Variants in PTPRM observed in about 807,000 individuals in gnomAD.
The protein encoded by PTPRM is receptor-type tyrosine-protein phosphatase mu.
A neutral mutation model predicts 186.7 loss-of-function variants in PTPRM; 47 were observed. That is an observed-to-expected ratio of 0.25 (90% CI 0.20 to 0.32). The LOEUF is 0.32. Ranked by LOEUF, PTPRM falls within the 10% of genes least tolerant of loss-of-function variation. The pLI is 1.00. For synonymous variants in PTPRM, 668 were observed against 674.9 expected, an observed-to-expected ratio of 0.99 and a Z score of 0.16; for missense variants, 1,494 against 1,865.0, an observed-to-expected ratio of 0.80 and a Z score of 3.66.
At chr18:8,270,541 A>T (rs558326729) in intron 19 of PTPRM, 26 of 152,128 alleles carry the variant, frequency 1.7e-4, no homozygotes, top group Non-Finnish European at 3.8e-4. Flanking sequence ...CATCTTAAAG[A>T]GACATCTGGA....
At chr18:8,352,674 G>GT (rs1411387485) in intron 23 of PTPRM, among the ~76,000 whole-genome samples, 5 of 78,700 alleles carry the variant, frequency 6.4e-5, no homozygotes, top group South Asian at 7.6e-4. Flanking sequence ...TTGTTTGTTT[G>GT]TTTGTTTTGT....
intron 2 of PTPRM, among the ~76,000 whole-genome samples, chr18:7,830,272 G>A (rs1203815141): frequency 6.6e-6 from 1 of 152,090 alleles, no homozygotes; most frequent in Non-Finnish European, 1.5e-5. Flanking sequence ...GCCAATCAGA[G>A]CCTCAGTTTC....
At chr18:8,196,244 C>T (rs952303343) in intron 14 of PTPRM, among the ~76,000 whole-genome samples, 2 of 152,148 alleles carry the variant, frequency 1.3e-5, no homozygotes, top group African/African-American at 4.8e-5. Context: ...TCAGAAGTTC[C>T]AAGGTAAGCC....
At chr18:7,578,154 A>T (rs987291013) in intron 1 of PTPRM, among the ~76,000 whole-genome samples, 2 of 151,616 alleles carry the variant, frequency 1.3e-5, no homozygotes, top group African/African-American at 4.9e-5. Flanking sequence ...GATGATTATG[A>T]TGATGATGAT....
Position 8,069,735 on chromosome 18 carries a change from G to T in PTPRM, c.1182G>T (p.Arg394=), listed in dbSNP as rs1173896546. 6.2e-7 allele frequency: 1 copy of T among 1,613,946 alleles called. No individual in the cohort carries two copies. Among genetic ancestry groups the T allele is most frequent in the Non-Finnish European group, 8.5e-7 (1 of 1,179,812 alleles). Reference sequence around the variant, plus strand: ...TAGAAGTAGTGGAGGTCAAATCTCGGCAAATCACTATCCGCTGGGAGCCAT... The same window carrying T: ...TAGAAGTAGTGGAGGTCAAATCTCGTCAAATCACTATCCGCTGGGAGCCAT... The part of the protein sequence containing the change: ...RKLEVVEVKS[R]QITIRWEPFG... The change falls in exon 8 of 33, where the codon CGG becomes CGT. Residue 394 remains arginine, a synonymous_variant. Transcript: ENST00000580170.
chr18:7,874,115 T>TAA (rs752112185), intron 2 of PTPRM, among the ~76,000 whole-genome samples: 5 of 121,698 alleles, frequency 4.1e-5, no homozygotes, highest in African/African-American at 1.7e-4. Context: ...AGGAAAAGTT[T>TAA]TAAAAAAAAA....
intron 7 of PTPRM, among the ~76,000 whole-genome samples, chr18:7,994,882 A>G (rs2083453145): frequency 6.6e-6 from 1 of 152,110 alleles, no homozygotes; most frequent in Non-Finnish European, 1.5e-5. Context: ...AAAGATTTCA[A>G]ATAATCTAAT....
chr18:8,135,554 C>T (rs1271959528), intron 13 of PTPRM, among the ~76,000 whole-genome samples: 2 of 152,160 alleles, frequency 1.3e-5, no homozygotes, highest in African/African-American at 4.8e-5. Context: ...TTCACCCAGC[C>T]TGAGTTTTAA....
At chr18:7,763,463 A>G (rs2041874766) in intron 1 of PTPRM, among the ~76,000 whole-genome samples, 1 of 152,180 alleles carries the variant, frequency 6.6e-6, no homozygotes, top group African/African-American at 2.4e-5. Flanking sequence ...TACCTTTGAT[A>G]TGAAGACTGC....
At chr18:7,880,678 TC>T (rs2048461976) in intron 2 of PTPRM, among the ~76,000 whole-genome samples, 1 of 152,216 alleles carries the variant, frequency 6.6e-6, no homozygotes, top group African/African-American at 2.4e-5. Flanking sequence ...TGAGCTTTGC[TC>T]CCGTAGTTCA....
intron 7 of PTPRM, among the ~76,000 whole-genome samples, chr18:8,057,379 T>A (rs1450560396): frequency 6.6e-6 from 1 of 151,252 alleles, no homozygotes; most frequent in Non-Finnish European, 1.5e-5. Flanking sequence ...TTATTCTGTT[T>A]AAAATGAAAA....
intron 2 of PTPRM, among the ~76,000 whole-genome samples, chr18:7,806,737 C>T (rs1016814698): frequency 6.6e-6 from 1 of 151,992 alleles, no homozygotes; most frequent in South Asian, 2.1e-4. Context: ...ATTTAGATGA[C>T]CTTATTTTAG....
At chr18:7,951,530 A>G (rs2052952970) in intron 6 of PTPRM, among the ~76,000 whole-genome samples, 1 of 152,102 alleles carries the variant, frequency 6.6e-6, no homozygotes, top group African/African-American at 2.4e-5. Context: ...GAATGAATAG[A>G]TTCGTATTCA....
chr18:8,401,637 T>G (rs369064431), intron 32 of PTPRM, among the ~76,000 whole-genome samples: 1 of 152,308 alleles, frequency 6.6e-6, no homozygotes, highest in South Asian at 2.1e-4. Flanking sequence ...ATGTGGTGTT[T>G]GAAGTGCCCA....
chr18:7,965,420 TGC>T (rs1331222214), intron 7 of PTPRM, among the ~76,000 whole-genome samples: 1 of 152,098 alleles, frequency 6.6e-6, no homozygotes, highest in Non-Finnish European at 1.5e-5. Context: ...AAGGCTGAGG[TGC>T]GCTGGGAGAC....
intron 4 of PTPRM, among the ~76,000 whole-genome samples, chr18:7,922,608 T>C (rs2050929777): frequency 6.6e-6 from 1 of 152,186 alleles, no homozygotes; most frequent in Admixed American, 6.5e-5. Flanking sequence ...AAATTTTTCA[T>C]GTCTCTGGCT....
intron 30 of PTPRM, among the ~76,000 whole-genome samples, chr18:8,385,256 G>A (rs1257963738): frequency 1.3e-5 from 2 of 152,174 alleles, no homozygotes; most frequent in East Asian, 3.8e-4. Context: ...TCATGGATAG[G>A]CCTAGGAGAA....
chr18:7,727,258 T>C (rs2040568235), intron 1 of PTPRM, among the ~76,000 whole-genome samples: 1 of 152,226 alleles, frequency 6.6e-6, no homozygotes, highest in African/African-American at 2.4e-5. Flanking sequence ...TTTTGTGATC[T>C]AAGGATCACC....
In PTPRM at chr18:7,661,140, C is replaced by A. The variant is rs1027423808; in HGVS notation, c.73+93249C>A. On this transcript the variant is annotated intron_variant, in intron 1 of 32. Transcript: ENST00000580170. ...ATGATGAAGAGGCAAAGCAAAAGAT[C>A]TGTTCAATTTACAGATTTTTTTAAA... Among the ~76,000 whole-genome samples, 7 of 152,108 alleles carry A rather than the reference C, an allele frequency of 4.6e-5. No homozygotes were observed. In the South Asian group the frequency reaches 8.3e-4, roughly 18 times the overall value.
Sources: allele counts gnomAD v4.1 joint callset (sites outside exome capture counted in the v4.1 genomes callset), GRCh38; gene constraint gnomAD v4.1.1; transcripts MANE v1.5; gene names NCBI Gene and HGNC (gene_info 2026-07-23, HGNC 2026-07-21).